The following NWD2 variants were observed in gnomAD, a reference collection of about 807,000 sequenced individuals.
NWD2 encodes the protein NACHT and WD repeat domain-containing protein 2.
In NWD2, 37 loss-of-function variants were observed where a neutral mutation model predicts 132.7. The ratio of observed to expected loss-of-function variants is 0.28; its 90% CI spans 0.21 to 0.37. The LOEUF (loss-of-function observed/expected upper bound fraction) is 0.37. NWD2 is among the 10% of genes least tolerant of loss of function. NWD2 has a pLI of 1.00. For synonymous variants in NWD2, 705 were observed against 803.0 expected (o/e 0.88, Z 2.06); for missense variants, 1,592 against 2,122.4 (o/e 0.75, Z 4.91).
chr4:37,389,376 T>A lies in NWD2; in HGVS notation c.357+32894T>A, dbSNP rs188680793. Among the ~76,000 whole-genome samples, 601 of 152,352 alleles carry A rather than the reference T, an allele frequency of 3.9e-3. 2 individuals are homozygous for A. Among genetic ancestry groups the A allele is most frequent in the African/African-American group, 0.014 (568 of 41,586 alleles). ...CAGGTTTAATGTGTATTAATATTTT[T>A]AAAAATCAGTGTATCAATATTACAA... is the stretch of plus-strand genomic sequence containing the variant. On this transcript the variant is annotated intron_variant, in intron 3 of 6. Coordinates refer to ENST00000309447, the MANE Select transcript of NWD2 (RefSeq NM_001144990.2).
chr4:37,337,651 C>T (rs1719437394), intron 2 of NWD2, among the ~76,000 whole-genome samples: 1 of 152,198 alleles, frequency 6.6e-6, no homozygotes, highest in South Asian at 2.1e-4. Flanking sequence ...GCAGCACAGG[C>T]CCATGCCTGT....
chr4:37,434,229 G>A (rs543274248), intron 5 of NWD2, among the ~76,000 whole-genome samples: 26 of 152,290 alleles, frequency 1.7e-4, no homozygotes, highest in African/African-American at 6.3e-4. Flanking sequence ...TCTAGAAAAT[G>A]TGATTTTAAA....
intron 3 of NWD2, among the ~76,000 whole-genome samples, chr4:37,374,389 G>C (rs2109306450): frequency 6.6e-6 from 1 of 152,286 alleles, no homozygotes; most frequent in Non-Finnish European, 1.5e-5. Flanking sequence ...AAATTACTTA[G>C]CCTCGGGTAT....
intron 3 of NWD2, among the ~76,000 whole-genome samples, chr4:37,391,284 CAT>C (rs1412602765): frequency 6.6e-6 from 1 of 152,136 alleles, no homozygotes; most frequent in Non-Finnish European, 1.5e-5. Flanking sequence ...AAAGAAAACA[CAT>C]ATAGATTTTT....
intron 1 of NWD2, among the ~76,000 whole-genome samples, chr4:37,260,686 T>C (rs995518442): frequency 7.2e-5 from 11 of 152,216 alleles, no homozygotes; most frequent in Non-Finnish European, 1.5e-4. Flanking sequence ...CTGTTCCTTA[T>C]TCAAACTGGA....
chr4:37,328,277 G>A (rs1292332649), intron 2 of NWD2, among the ~76,000 whole-genome samples: 1 of 151,944 alleles, frequency 6.6e-6, no homozygotes, highest in African/African-American at 2.4e-5. Flanking sequence ...TTAAGTTCTG[G>A]TATACGTGTG....
intron 1 of NWD2, among the ~76,000 whole-genome samples, chr4:37,293,257 C>T (rs539154569): frequency 1.2e-4 from 18 of 152,298 alleles, no homozygotes; most frequent in Middle Eastern, 3.4e-3. Flanking sequence ...TTTAGCATCA[C>T]GTGCTCTCCT....
chr4:37,312,036 G>T (rs1347701465), intron 1 of NWD2, among the ~76,000 whole-genome samples: 1 of 152,074 alleles, frequency 6.6e-6, no homozygotes, highest in East Asian at 1.9e-4. Flanking sequence ...CTGTAGCCTT[G>T]TAGTATAGTT....
chr4:37,408,327 G>GACACTC (rs1560414771), intron 3 of NWD2, among the ~76,000 whole-genome samples: 1 of 152,138 alleles, frequency 6.6e-6, no homozygotes, highest in Admixed American at 6.5e-5. Flanking sequence ...ATTGACCTGG[G>GACACTC]GCACTCGAGC....
intron 1 of NWD2, among the ~76,000 whole-genome samples, chr4:37,323,037 T>C (rs1719099844): frequency 1.4e-5 from 2 of 146,776 alleles, no homozygotes; most frequent in African/African-American, 2.4e-5. Flanking sequence ...GTTTTCTAAT[T>C]TAGTGGCTGT....
intron 1 of NWD2, among the ~76,000 whole-genome samples, chr4:37,253,272 C>A (rs1717429942): frequency 6.6e-6 from 1 of 152,318 alleles, no homozygotes; most frequent in African/African-American, 2.4e-5. Flanking sequence ...ATCAAAATAT[C>A]ACCATTTTTC....
chr4:37,280,540 T>A (rs1301030539), intron 1 of NWD2, among the ~76,000 whole-genome samples: 1 of 148,612 alleles, frequency 6.7e-6, no homozygotes, highest in Admixed American at 6.6e-5. Flanking sequence ...GGAATCAATA[T>A]TTTTTTTCTC....
intron 2 of NWD2, among the ~76,000 whole-genome samples, chr4:37,347,208 A>G (rs113145348): frequency 0.015 from 2,279 of 152,210 alleles, 61 homozygotes; most frequent in African/African-American, 0.051. Flanking sequence ...ATTTAGATTT[A>G]TTGAAGCTTG....
At chr4:37,295,458 T>A (rs1718454121) in intron 1 of NWD2, among the ~76,000 whole-genome samples, 1 of 152,222 alleles carries the variant, frequency 6.6e-6, no homozygotes, top group African/African-American at 2.4e-5. Flanking sequence ...GCGCCTTAGC[T>A]CAGCGTGTGT....
intron 3 of NWD2, among the ~76,000 whole-genome samples, chr4:37,383,758 TCTTA>T (rs893588327): frequency 7.9e-5 from 12 of 152,328 alleles, no homozygotes; most frequent in African/African-American, 2.6e-4. Context: ...GCCCCATGGC[TCTTA>T]CTTTGGACTC....
intron 1 of NWD2, among the ~76,000 whole-genome samples, chr4:37,321,387 T>C (rs1719064453): frequency 6.6e-6 from 1 of 152,218 alleles, no homozygotes; most frequent in African/African-American, 2.4e-5. Context: ...ACTCAGACAC[T>C]GTACAGAGAC....
At chr4:37,296,843 T>C (rs1038824077) in intron 1 of NWD2, among the ~76,000 whole-genome samples, 12 of 152,134 alleles carry the variant, frequency 7.9e-5, no homozygotes, top group African/African-American at 2.4e-4. Flanking sequence ...GCTATTAAAA[T>C]AAAAAATTAA....
At chr4:37,273,000 T>G (rs755667341) in intron 1 of NWD2, among the ~76,000 whole-genome samples, 1 of 151,798 alleles carries the variant, frequency 6.6e-6, no homozygotes. Flanking sequence ...CTCAGGTATT[T>G]CAGTTCACCC....
intron 3 of NWD2, among the ~76,000 whole-genome samples, chr4:37,385,968 C>A (rs1720558781): frequency 2.0e-5 from 3 of 152,116 alleles, no homozygotes; most frequent in Non-Finnish European, 4.4e-5. Context: ...TAAAGAAATA[C>A]TTAATTTGGA....
Sources: allele counts gnomAD v4.1 joint callset (sites outside exome capture counted in the v4.1 genomes callset), GRCh38; gene constraint gnomAD v4.1.1; transcripts MANE v1.5; gene names NCBI Gene and HGNC (gene_info 2026-07-23, HGNC 2026-07-21).